Variants in POM121C observed in about 807,000 individuals in gnomAD.
POM121C encodes the protein POM121 transmembrane nucleoporin C, also known as nuclear envelope pore membrane protein POM 121C.
A neutral mutation model predicts 66.4 loss-of-function variants in POM121C; 20 were observed. The observed-to-expected ratio is 0.30, with a 90% CI of 0.21 to 0.44. The LOEUF (loss-of-function observed/expected upper bound fraction) is 0.44, where lower values mean the gene tolerates loss of function less well. Ranked by LOEUF, POM121C falls within the 20% of genes least tolerant of loss-of-function variation. The pLI is 1.00. For missense variants in POM121C, 580 were observed against 1,225.7 expected, an observed-to-expected ratio of 0.47 and a Z score of 7.87; for synonymous variants, 286 against 528.0, an observed-to-expected ratio of 0.54 and a Z score of 6.28.
chr7:75,476,036 T>C (rs1325106961), intron 1 of POM121C, among the ~76,000 whole-genome samples: 1 of 152,024 alleles, frequency 6.6e-6, no homozygotes, highest in African/African-American at 2.4e-5. Flanking sequence ...TCCTAGCACT[T>C]TGGGAGGACG....
chr7:75,421,438 G>A (rs587676202), intron 13 of POM121C, 71 bp downstream of exon 13: 101 of 1,603,358 alleles, frequency 6.3e-5, no homozygotes, highest in Admixed American at 2.2e-4. Context: ...TAAGCTCCCC[G>A]AGACCACAGG....
intron 1 of POM121C, among the ~76,000 whole-genome samples, chr7:75,476,986 A>G (rs1381452208): frequency 9.2e-5 from 14 of 151,988 alleles, no homozygotes. Context: ...ACTGATGGAT[A>G]CTTCATTAAC....
At chr7:75,470,786 C>T (rs1201942346) in intron 3 of POM121C, among the ~76,000 whole-genome samples, 1 of 152,006 alleles carries the variant, frequency 6.6e-6, no homozygotes, top group African/African-American at 2.4e-5. Context: ...GTGCATGCCA[C>T]CACTTCTGGC....
intron 1 of POM121C, among the ~76,000 whole-genome samples, chr7:75,479,195 G>A (rs1396483681): frequency 3.9e-5 from 6 of 152,258 alleles, no homozygotes; most frequent in African/African-American, 4.8e-5. Context: ...TCAACTAGAA[G>A]AAATGTTACA....
intron 3 of POM121C, among the ~76,000 whole-genome samples, chr7:75,467,765 C>T (rs1199388787): frequency 6.6e-6 from 1 of 151,956 alleles, no homozygotes; most frequent in African/African-American, 2.4e-5. Context: ...TCACAAAGTC[C>T]CTGCTCAGTG....
In POM121C at chr7:75,437,622, G is replaced by A. The variant is rs587707419; in HGVS notation, c.373C>T (p.Arg125Ter). 8 of 1,613,876 alleles carry A rather than the reference G, an allele frequency of 5.0e-6. No homozygotes were observed. In the African/African-American group the frequency reaches 5.3e-5, roughly 11 times the overall value. Residue 125 changes from arginine to a stop codon, truncating the protein, a stop_gained, in exon 7 of 15, where the codon CGA becomes TGA. Coordinates refer to ENST00000615331, the MANE Select transcript of POM121C (RefSeq NM_001099415.3). LOFTEE classifies it high-confidence loss of function. ...SSDDHLNKRS[R>*]SSSMSSLTGA... is the part of the protein sequence containing the mutation. ...GTCAAGGAGCTCATGGAAGAGCTTC[G>A]GGATCTCTTATTCAAGTGGTCATCT...
At position 75,449,525 on chromosome 7, in the gene POM121C, T is replaced by C. The variant is rs1280467680; in HGVS notation, c.-151-7878A>G. On this transcript the variant is annotated intron_variant, in intron 3 of 14. Transcript: ENST00000615331. ...GACTATAGGCGCCCGCTGCCACGCCTGGCTAATTTTTTTGTATTTTTTAAT... is the reference window on the plus strand; with the variant it reads ...GACTATAGGCGCCCGCTGCCACGCCCGGCTAATTTTTTTGTATTTTTTAAT... 9.9e-5 allele frequency among the ~76,000 whole-genome samples: 15 copies of C among 151,888 alleles called. 1 individual carries two copies. Among genetic ancestry groups the C allele is most frequent in the African/African-American group, 2.4e-4 (10 of 41,364 alleles).
At chr7:75,435,469 G>A (rs782344449) in intron 7 of POM121C, among the ~76,000 whole-genome samples, 6 of 152,090 alleles carry the variant, frequency 3.9e-5, no homozygotes, top group East Asian at 1.9e-4. Flanking sequence ...TTGTTTTAGC[G>A]TATTTTTTTC....
At chr7:75,453,162 G>C (rs587757854) in intron 3 of POM121C, among the ~76,000 whole-genome samples, 42 of 151,994 alleles carry the variant, frequency 2.8e-4, no homozygotes, top group African/African-American at 9.4e-4. Context: ...CAGGCATGGT[G>C]GCTCACACCT....
chr7:75,472,332 C>G (rs1791911290), intron 3 of POM121C, among the ~76,000 whole-genome samples: 2 of 151,642 alleles, frequency 1.3e-5, no homozygotes, highest in African/African-American at 4.8e-5. Flanking sequence ...GGCCAACAGA[C>G]TGAAACCCCG....
intron 7 of POM121C, among the ~76,000 whole-genome samples, chr7:75,436,510 AT>A (rs1790418072): frequency 2.6e-5 from 4 of 152,176 alleles, no homozygotes; most frequent in Non-Finnish European, 5.9e-5. Context: ...GGGTAATGGT[AT>A]TATGGTTATT....
At chr7:75,468,824 C>A (rs1791770489) in intron 3 of POM121C, among the ~76,000 whole-genome samples, 1 of 152,116 alleles carries the variant, frequency 6.6e-6, no homozygotes, top group African/African-American at 2.4e-5. Flanking sequence ...GAGTTTGAGA[C>A]CAGCCTGGGC....
rs1789849896 is a variant in POM121C, at chr7:75,424,329, C to T, written c.872-104G>A. 9.0e-6 allele frequency: 13 copies of T among 1,445,900 alleles called. No individual in the cohort carries two copies. The South Asian group carries it at 1.6e-4, about 18-fold the overall frequency. 89.6% of individuals were successfully genotyped at this position (1,445,900 alleles called of 1,614,324 possible). Reference sequence around the variant, plus strand: ...AGCACAGCTCATGGAGGAATGTCTGCCCTAAATTGCAGTAGTCCCTGCTGT... The same window carrying T: ...AGCACAGCTCATGGAGGAATGTCTGTCCTAAATTGCAGTAGTCCCTGCTGT... On this transcript the variant is annotated intron_variant, in intron 11 of 14. Coordinates refer to ENST00000615331, the MANE Select transcript of POM121C (RefSeq NM_001099415.3).
chr7:75,458,012 G>A (rs1459464223), intron 3 of POM121C, among the ~76,000 whole-genome samples: 4 of 152,276 alleles, frequency 2.6e-5, no homozygotes, highest in Admixed American at 2.6e-4. Context: ...TTTTCGCATT[G>A]AAAATCAGTC....
chr7:75,434,260 G>A (rs1790306325), intron 7 of POM121C, among the ~76,000 whole-genome samples: 1 of 151,850 alleles, frequency 6.6e-6, no homozygotes, highest in South Asian at 2.1e-4. Context: ...CTACTCATAA[G>A]AGACAAAAAT....
chr7:75,460,816 G>A (rs1441339942), intron 3 of POM121C, among the ~76,000 whole-genome samples: 2 of 152,164 alleles, frequency 1.3e-5, no homozygotes, highest in African/African-American at 4.8e-5. Flanking sequence ...CATGGGTTCT[G>A]CACCTTGGTG....
At chr7:75,441,342 T>C (rs781982133) in intron 4 of POM121C, 90 bp downstream of exon 4, 91 of 1,434,258 alleles carry the variant, frequency 6.3e-5, no homozygotes, top group African/African-American at 1.6e-4. Context: ...CCTTTCTTTT[T>C]TGCGTTGTAG....
chr7:75,433,790 A>G (rs1554472691), intron 7 of POM121C, among the ~76,000 whole-genome samples: 2 of 152,222 alleles, frequency 1.3e-5, no homozygotes, highest in East Asian at 1.9e-4. Flanking sequence ...GTTACATAGT[A>G]TATTTCAACT....
intron 3 of POM121C, among the ~76,000 whole-genome samples, chr7:75,455,081 G>C (rs1325427265): frequency 2.6e-5 from 4 of 152,184 alleles, no homozygotes; most frequent in Non-Finnish European, 5.9e-5. Context: ...TAAGACAAGA[G>C]ATGAAATTAG....
Sources: allele counts gnomAD v4.1 joint callset (sites outside exome capture counted in the v4.1 genomes callset), GRCh38; gene constraint gnomAD v4.1.1; transcripts MANE v1.5; gene names NCBI Gene and HGNC (gene_info 2026-07-23, HGNC 2026-07-21).